The following C16orf96 variants were observed in gnomAD, a reference collection of about 807,000 sequenced individuals.
The protein encoded by C16orf96 is chromosome 16 open reading frame 96, also known as uncharacterized protein C16orf96.
Under a neutral mutation model 103.6 loss-of-function variants are expected in C16orf96, and 108 were observed. The observed-to-expected ratio is 1.04, with a 90% confidence interval of 0.89 to 1.22. The LOEUF is 1.22. C16orf96 is among the 50% of genes most tolerant of loss of function. C16orf96 has a pLI of 0.00. For missense variants in C16orf96, 1,586 were observed against 1,464.2 expected (o/e 1.08, Z -1.36); for synonymous variants, 566 against 593.5 (o/e 0.95, Z 0.67).
chr16:4,576,345 A>G lies in C16orf96; in HGVS notation c.1865A>G (p.Asp622Gly), dbSNP rs916970949. ...AAAGPLGVFADVLGAGPSRGA... is the reference protein window; with the variant it reads ...AAAGPLGVFAGVLGAGPSRGA... ...GCTGGGCCCCTAGGGGTCTTTGCAG[A>G]TGTCCTGGGTGCAGGGCCTTCCCGG... is the stretch of plus-strand genomic sequence containing the variant. The change falls in exon 5 of 16, where the codon GAT (aspartate) becomes GGT (glycine). Residue 622 changes from aspartate (D) to glycine (G), a missense_variant. Coordinates refer to ENST00000444310, the MANE Select transcript of C16orf96 (RefSeq NM_001145011.2). The G allele has an allele frequency of 6.4e-7, 1 of 1,550,780 alleles. No homozygotes were observed. The highest frequency in any genetic ancestry group is 8.7e-7 in the Non-Finnish European group (1 of 1,146,974).
At chr16:4,583,106 C>T (rs920432656) in intron 7 of C16orf96, among the ~76,000 whole-genome samples, 3 of 152,076 alleles carry the variant, frequency 2.0e-5, no homozygotes, top group Non-Finnish European at 2.9e-5. Flanking sequence ...GGCGTGGTTG[C>T]GGGTGCCTGT....
chr16:4,580,312 C>CG lies in C16orf96; in HGVS notation c.2352+187_2352+188insG, dbSNP rs912695637. Among the ~76,000 whole-genome samples, 3 of 119,944 alleles carry CG rather than the reference C, an allele frequency of 2.5e-5. No individual in the cohort carries two copies. The South Asian group carries it at 1.1e-3, about 45-fold the overall frequency. The allele number at this position is 119,944 out of a possible 152,430, so 78.7% of individuals were successfully genotyped here. ...ATGAAAAGCAAACGAATCCCACCAC[C>CG]CCCCCCCACCCATATAAACAGAAGG... is the stretch of plus-strand genomic sequence containing the variant. On this transcript the variant is annotated intron_variant, in intron 7 of 15. Transcript: ENST00000444310.
At chr16:4,566,745 A>G (rs2059388739) in intron 1 of C16orf96, among the ~76,000 whole-genome samples, 1 of 151,966 alleles carries the variant, frequency 6.6e-6, no homozygotes. Flanking sequence ...GTCAGTTTTA[A>G]TGATTTTCTA....
At chr16:4,559,486 G>A (rs1200765491) in intron 1 of C16orf96, among the ~76,000 whole-genome samples, 4 of 152,090 alleles carry the variant, frequency 2.6e-5, no homozygotes, top group African/African-American at 9.7e-5. Context: ...TGGAGGTGGA[G>A]GTTCTAGTGG....
At chr16:4,599,110 A>G (rs1448824580) in intron 14 of C16orf96, among the ~76,000 whole-genome samples, 174 bp from the exon 15 acceptor site, 1 of 151,932 alleles carries the variant, frequency 6.6e-6, no homozygotes, top group African/African-American at 2.4e-5. Context: ...AAGAAAAAAA[A>G]AAAAAAAGAA....
intron 1 of C16orf96, among the ~76,000 whole-genome samples, chr16:4,569,346 C>A (rs1391882480): frequency 1.3e-5 from 2 of 152,146 alleles, no homozygotes; most frequent in Non-Finnish European, 1.5e-5. Flanking sequence ...TTAACTATTT[C>A]TCCTTTTGTA....
intron 9 of C16orf96, among the ~76,000 whole-genome samples, chr16:4,589,021 G>A (rs138733056): frequency 8.3e-4 from 127 of 152,172 alleles, no homozygotes; most frequent in Admixed American, 1.2e-3. Context: ...ACACTTCCCC[G>A]GGGTCTGACA....
chr16:4,574,336 C>T (rs1596524049), intron 2 of C16orf96, among the ~76,000 whole-genome samples: 1 of 152,240 alleles, frequency 6.6e-6, no homozygotes, highest in African/African-American at 2.4e-5. Flanking sequence ...GATTCTCCTG[C>T]CTCAGCTTCC....
At chr16:4,581,460 C>G (rs1206835351) in intron 7 of C16orf96, among the ~76,000 whole-genome samples, 1 of 150,890 alleles carries the variant, frequency 6.6e-6, no homozygotes, top group Non-Finnish European at 1.5e-5. Context: ...GGTGAAACCC[C>G]ATCTCTACTA....
chr16:4,580,165 G>T, intron 7 of C16orf96, 40 bp downstream of exon 7: 1 of 1,423,114 alleles, frequency 7.0e-7, no homozygotes, highest in South Asian at 1.4e-5. Flanking sequence ...GCTGGCAAAG[G>T]GAGAATTCCT....
intron 9 of C16orf96, among the ~76,000 whole-genome samples, chr16:4,590,513 C>T (rs11865067): frequency 0.074 from 10,935 of 148,018 alleles, 746 homozygotes; most frequent in African/African-American, 0.18. Flanking sequence ...GAGCCAAGAT[C>T]GCACCATTGC....
the C16orf96 span, among the ~76,000 whole-genome samples, chr16:4,545,436 T>A: frequency 6.6e-6 from 1 of 152,158 alleles, no homozygotes; most frequent in Non-Finnish European, 1.5e-5. Context: ...AAGCGATCCT[T>A]GTGGCCTGGC....
rs969849265 is a variant in C16orf96 at position 4,588,418 on chromosome 16, A to G, written c.2592+87A>G. On this transcript the variant is annotated intron_variant, in intron 9 of 15. Transcript: ENST00000444310. Reference sequence around the variant, plus strand: ...TGCAAACAACAAACGTTTTCAGTTTAGGAGGAGCAAGAATTTGGGAGTGAC... The same window carrying G: ...TGCAAACAACAAACGTTTTCAGTTTGGGAGGAGCAAGAATTTGGGAGTGAC... 8.4e-6 allele frequency: 12 copies of G among 1,426,698 alleles called. 1 individual carries two copies. The African/African-American group carries it at 1.1e-4, about 14-fold the overall frequency. 88.4% of individuals were successfully genotyped at this position (1,426,698 alleles called of 1,614,324 possible).
Position 4,600,177 on chromosome 16 carries a change from C to T in C16orf96, c.3286C>T (p.Pro1096Ser). 1 of 1,551,596 alleles carries T rather than the reference C, an allele frequency of 6.4e-7. No homozygotes were observed. The highest frequency in any genetic ancestry group is 8.7e-7 in the Non-Finnish European group (1 of 1,146,986). ...LTMPARPPSL[P>S]PLLLLPPLIP... ...GATGCCAGCTCGACCACCTTCCCTG[C>T]CACCTCTGCTGCTGCTGCCACCGCT... The change falls in exon 16 of 16, where the codon CCA (proline) becomes TCA (serine). Residue 1096 changes from proline to serine, a missense_variant. Pro to Ser is a moderately conservative substitution (Grantham distance 74). Coordinates refer to ENST00000444310, the MANE Select transcript of C16orf96 (RefSeq NM_001145011.2).
chr16:4,562,998 A>G lies in C16orf96; in HGVS notation c.420+6089A>G, dbSNP rs116877200. On this transcript the variant is annotated intron_variant, in intron 1 of 15. Transcript: ENST00000444310. ...AACGCCAACGTACCTCATTTTCCCA[A>G]TCTGAAACATGTTACCATCTCTGCT... 1.4e-4 allele frequency: 156 copies of G among 1,127,972 alleles called. 1 individual carries two copies. The East Asian group carries it at 3.5e-3, about 25-fold the overall frequency. 69.9% of individuals were successfully genotyped at this position (1,127,972 alleles called of 1,614,324 possible). A position where few individuals can be genotyped will look rare whatever the true frequency, so the allele number is the denominator to read the frequency against.
At chr16:4,589,070 A>G (rs1288556059) in intron 9 of C16orf96, among the ~76,000 whole-genome samples, 1 of 152,082 alleles carries the variant, frequency 6.6e-6, no homozygotes, top group East Asian at 1.9e-4. Flanking sequence ...GAATAAATGA[A>G]TGACTGTCAC....
In C16orf96 at chr16:4,593,104, T is replaced by G; in HGVS notation, c.2775-120T>G. Reference sequence around the variant, plus strand: ...GGACGCTTCTGGCATTCGAGGGTGGTGACCTGAGTCTGCACCTCCTTCCTC... The same window carrying G: ...GGACGCTTCTGGCATTCGAGGGTGGGGACCTGAGTCTGCACCTCCTTCCTC... On this transcript the variant is annotated intron_variant, in intron 11 of 15. Transcript: ENST00000444310. This position sits in a 1 kb window ranked among gnomAD's most constrained non-coding sequence, Gnocchi z 4.2. 1 of 932,500 alleles carries G rather than the reference T, an allele frequency of 1.1e-6. No individual in the cohort carries two copies. The highest frequency in any genetic ancestry group is 1.7e-6 in the Non-Finnish European group (1 of 601,870). 57.8% of individuals were successfully genotyped at this position (932,500 alleles called of 1,614,324 possible).
At chr16:4,596,449 C>T (rs935980455) in intron 14 of C16orf96, among the ~76,000 whole-genome samples, 1 of 145,162 alleles carries the variant, frequency 6.9e-6, no homozygotes, top group African/African-American at 2.5e-5. Flanking sequence ...CACGCCACTG[C>T]ACTCTAGCCT....
At chr16:4,578,762 A>T (rs1318451454) in intron 5 of C16orf96, among the ~76,000 whole-genome samples, 178 bp from the exon 6 acceptor site, 1 of 152,188 alleles carries the variant, frequency 6.6e-6, no homozygotes, top group African/African-American at 2.4e-5. Context: ...ATCTCAAAAA[A>T]TAAATTAATT....
Sources: allele counts gnomAD v4.1 joint callset (sites outside exome capture counted in the v4.1 genomes callset), GRCh38; gene constraint gnomAD v4.1.1; non-coding constraint Gnocchi (gnomAD v3.1); transcripts MANE v1.5; gene names NCBI Gene and HGNC (gene_info 2026-07-23, HGNC 2026-07-21).